Variants in ATAD2B observed in about 807,000 individuals in gnomAD.
ATAD2B encodes ATPase family AAA domain containing 2B.
Under a neutral mutation model 167.6 loss-of-function variants are expected in ATAD2B, and 40 were observed. That is an observed-to-expected ratio of 0.24 (90% CI 0.19 to 0.31). ATAD2B has a LOEUF of 0.31. ATAD2B is among the 10% of genes least tolerant of loss of function. ATAD2B has a pLI of 1.00. For missense variants in ATAD2B, 1,242 were observed against 1,757.2 expected (o/e 0.71, Z 5.24); for synonymous variants, 579 against 596.5 (o/e 0.97, Z 0.43).
chr2:23,739,317 A>C, the ATAD2B span, among the ~76,000 whole-genome samples: 1 of 152,224 alleles, frequency 6.6e-6, no homozygotes, highest in Admixed American at 6.5e-5. Flanking sequence ...ACTCCTCAGC[A>C]AATGTAAAAG....
rs750933815 is a variant in ATAD2B, at chr2:23,752,002, G to A, written c.*44C>T. The A allele has an allele frequency of 2.1e-6, 3 of 1,439,684 alleles. No individual in the cohort carries two copies. The highest frequency in any genetic ancestry group is 2.9e-6 in the Non-Finnish European group (3 of 1,043,934). The allele number at this position is 1,439,684 out of a possible 1,614,324, so 89.2% of individuals were successfully genotyped here. On this transcript the variant is annotated 3_prime_UTR_variant, in exon 28 of 28. Coordinates refer to ENST00000238789, the MANE Select transcript of ATAD2B (RefSeq NM_017552.4). The stretch of plus-strand genomic sequence containing the variant: ...ATTGAATGGCTCAGAAGACTGCTCT[G>A]TGAGGAGCAGATTGGAGAGGATAAA...
intron 1 of ATAD2B, among the ~76,000 whole-genome samples, chr2:23,899,151 GAAT>G (rs997480594): frequency 6.6e-6 from 1 of 151,966 alleles, no homozygotes; most frequent in African/African-American, 2.4e-5. Flanking sequence ...TGTCGCAAAA[GAAT>G]AATAATAATT....
At chr2:23,738,742 G>A in the ATAD2B span, among the ~76,000 whole-genome samples, 1 of 152,140 alleles carries the variant, frequency 6.6e-6, no homozygotes, top group African/African-American at 2.4e-5. Flanking sequence ...CCAATTAAAA[G>A]ACACAGACTG....
At chr2:23,870,796 C>A (rs1695853188) in intron 8 of ATAD2B, among the ~76,000 whole-genome samples, 1 of 151,768 alleles carries the variant, frequency 6.6e-6, no homozygotes, top group African/African-American at 2.4e-5. Context: ...TATTTCCATC[C>A]TGTTTGAACT....
At chr2:23,888,090 A>ATAT in intron 3 of ATAD2B, 105 bp from the exon 4 acceptor site, 1 of 982,234 alleles carries the variant, frequency 1.0e-6, no homozygotes, top group Non-Finnish European at 1.4e-6. Context: ...AAAATTTAAT[A>ATAT]TAACTTTTTA....
At chr2:23,863,331 A>AGAAC in intron 12 of ATAD2B, 50 bp downstream of exon 12, 1 of 1,506,538 alleles carries the variant, frequency 6.6e-7, no homozygotes. Flanking sequence ...AAAGAAAGAA[A>AGAAC]AGAACAGAAC....
At chr2:23,804,480 T>C (rs1684017051) in intron 18 of ATAD2B, among the ~76,000 whole-genome samples, 2 of 152,130 alleles carry the variant, frequency 1.3e-5, no homozygotes, top group African/African-American at 4.8e-5. Flanking sequence ...GATGCCTTAA[T>C]GTACTAGAGA....
chr2:23,888,575 C>G (rs1699025461), intron 2 of ATAD2B, among the ~76,000 whole-genome samples, 176 bp from the exon 3 acceptor site: 1 of 151,918 alleles, frequency 6.6e-6, no homozygotes, highest in African/African-American at 2.4e-5. Context: ...TAGTTAAAAG[C>G]CATTTCATTA....
chr2:23,777,380 A>ATATCTC (rs1679323526), intron 22 of ATAD2B, among the ~76,000 whole-genome samples: 1 of 151,842 alleles, frequency 6.6e-6, no homozygotes, highest in African/African-American at 2.4e-5. Context: ...ATCTATATCT[A>ATATCTC]TATCTATATC....
In ATAD2B at chr2:23,880,706, T is replaced by C; in HGVS notation, c.834A>G (p.Glu278=). The C allele has an allele frequency of 3.7e-6, 6 of 1,610,968 alleles. No individual in the cohort carries two copies. Among genetic ancestry groups the C allele is most frequent in the Non-Finnish European group, 5.1e-6 (6 of 1,178,248 alleles). ...TCAAATTATATGGTCTATCATTTTC[T>C]TCTCCTTCTGCCTCTTCAACTTCTA... ...GDIEVEEAEG[E]ENDRPYNLRQ... The change falls in exon 7 of 28, where the codon GAA becomes GAG. Residue 278 remains glutamate, a synonymous_variant. Transcript: ENST00000238789.
intron 17 of ATAD2B, among the ~76,000 whole-genome samples, chr2:23,812,580 C>A (rs1685766900): frequency 6.6e-6 from 1 of 151,972 alleles, no homozygotes; most frequent in Non-Finnish European, 1.5e-5. Context: ...AACATGCTAC[C>A]AGCCGGGCAC....
chr2:23,687,359 C>T, the ATAD2B span, among the ~76,000 whole-genome samples: 1 of 152,220 alleles, frequency 6.6e-6, no homozygotes, highest in Non-Finnish European at 1.5e-5. Context: ...GATGTGTCCA[C>T]CACTCCAGCC....
intron 13 of ATAD2B, chr2:23,856,452 GAAGCAA>G (rs1693426506): frequency 2.4e-6 from 1 of 418,830 alleles, no homozygotes; most frequent in Non-Finnish European, 4.9e-6. Flanking sequence ...GCTAAAAATA[GAAGCAA>G]AACAAATCTC....
intron 1 of ATAD2B, among the ~76,000 whole-genome samples, chr2:23,920,768 TTGTA>T (rs1428911942): frequency 6.6e-6 from 1 of 152,182 alleles, no homozygotes; most frequent in Non-Finnish European, 1.5e-5. Flanking sequence ...CCCCCCAACT[TTGTA>T]CTTCCATGTA....
At chr2:23,875,505 C>CA (rs1358980090) in intron 8 of ATAD2B, among the ~76,000 whole-genome samples, 46 of 22,844 alleles carry the variant, frequency 2.0e-3, no homozygotes, top group Middle Eastern at 0.016. Flanking sequence ...GACTCCGTCT[C>CA]AAAAAAAAAA....
At chr2:23,773,009 TG>T (rs1294936716) in intron 22 of ATAD2B, among the ~76,000 whole-genome samples, 1 of 152,216 alleles carries the variant, frequency 6.6e-6, no homozygotes, top group Non-Finnish European at 1.5e-5. Context: ...CCCAAAGTGC[TG>T]GGATTACAGG....
chr2:23,890,107 C>T (rs1199023313), intron 2 of ATAD2B, among the ~76,000 whole-genome samples: 1 of 151,866 alleles, frequency 6.6e-6, no homozygotes, highest in Non-Finnish European at 1.5e-5. Context: ...CCCAGCTACT[C>T]GGGAGGCTGA....
rs111951861 is a variant in ATAD2B, at chr2:23,788,369, C to G, written c.2776+143G>C. On this transcript the variant is annotated intron_variant, in intron 20 of 27. Coordinates refer to ENST00000238789, the MANE Select transcript of ATAD2B (RefSeq NM_017552.4). ...TCAAGTCAGGTGAACACAATGGACA[C>G]TTCCACACGTCATCTAAAGATAAAC... 1.6e-3 allele frequency: 1,505 copies of G among 917,196 alleles called. 16 individuals carry two copies. The African/African-American group carries it at 0.017, about 10-fold the overall frequency. The allele number at this position is 917,196 out of a possible 1,614,324, so 56.8% of individuals were successfully genotyped here.
the ATAD2B span, among the ~76,000 whole-genome samples, chr2:23,731,961 A>G: frequency 6.7e-6 from 1 of 149,130 alleles, no homozygotes; most frequent in Non-Finnish European, 1.5e-5. Context: ...TGGGTGACAA[A>G]GCAAGACTGT....
Sources: gnomAD v4.1 joint callset for allele counts (sites outside exome capture counted in the v4.1 genomes callset) on GRCh38, gnomAD v4.1.1 for gene constraint, MANE v1.5 for transcripts, NCBI Gene and HGNC (gene_info 2026-07-23, HGNC 2026-07-21) for gene names.